Variants in TUSC3 observed in about 807,000 individuals in gnomAD.
TUSC3 encodes the protein dolichyl-diphosphooligosaccharide--protein glycosyltransferase subunit TUSC3.
TUSC3 carries 45 observed loss-of-function variants against 44.8 expected under a neutral mutation model. The ratio of observed to expected loss-of-function variants is 1.00; its 90% confidence interval spans 0.79 to 1.29. The LOEUF (loss-of-function observed/expected upper bound fraction) is 1.29, where lower values mean the gene tolerates loss of function less well. TUSC3 is among the 50% of genes most tolerant of loss of function. The pLI is 0.00. For missense variants in TUSC3, 519 were observed against 437.9 expected (o/e 1.19, Z -1.65); for synonymous variants, 212 against 152.9 (o/e 1.39, Z -2.85).
At chr8:15,672,535 C>G (rs996262954) in intron 5 of TUSC3, among the ~76,000 whole-genome samples, 1 of 151,972 alleles carries the variant, frequency 6.6e-6, no homozygotes, top group Non-Finnish European at 1.5e-5. Flanking sequence ...ATCTGCAACT[C>G]GAGTATTATA....
intron 2 of TUSC3, among the ~76,000 whole-genome samples, chr8:15,640,031 G>A (rs1000946514): frequency 1.3e-5 from 2 of 152,134 alleles, no homozygotes; most frequent in African/African-American, 4.8e-5. Context: ...GCCCTTGCTT[G>A]CCATATGGGA....
chr8:15,528,642 C>A (rs1460216458), intron 2 of TUSC3, among the ~76,000 whole-genome samples: 3 of 152,196 alleles, frequency 2.0e-5, no homozygotes, highest in African/African-American at 4.8e-5. Flanking sequence ...TTCCTGGCTT[C>A]TGTAGAACAC....
chr8:15,831,235 C>G, the TUSC3 span, among the ~76,000 whole-genome samples: 8 of 152,220 alleles, frequency 5.3e-5, no homozygotes, highest in African/African-American at 1.9e-4. Flanking sequence ...TCAGCTAAAC[C>G]CACCTTATAC....
intron 2 of TUSC3, among the ~76,000 whole-genome samples, chr8:15,623,510 T>C (rs537727561): frequency 6.6e-6 from 1 of 152,196 alleles, no homozygotes; most frequent in African/African-American, 2.4e-5. Context: ...ATCCTGCAGA[T>C]TGCCTTGTAG....
intron 8 of TUSC3, among the ~76,000 whole-genome samples, chr8:15,746,398 G>A (rs1023705446): frequency 1.3e-5 from 2 of 151,978 alleles, no homozygotes; most frequent in Non-Finnish European, 2.9e-5. Flanking sequence ...ATTCCTTTTT[G>A]ATGTGATTTT....
downstream of TUSC3, among the ~76,000 whole-genome samples, chr8:15,767,750 C>T (rs1812369262): frequency 6.6e-6 from 1 of 152,058 alleles, no homozygotes; most frequent in Non-Finnish European, 1.5e-5. Flanking sequence ...TCAGAAGTCT[C>T]TCAGGTGAAA....
intron 6 of TUSC3, among the ~76,000 whole-genome samples, chr8:15,704,648 T>A (rs1293650002): frequency 1.3e-5 from 2 of 151,968 alleles, no homozygotes; most frequent in African/African-American, 4.8e-5. Context: ...TTTTTTTTCC[T>A]TTTCTTTTTC....
the TUSC3 span, among the ~76,000 whole-genome samples, chr8:15,802,695 C>G: frequency 2.0e-5 from 3 of 151,850 alleles, no homozygotes; most frequent in African/African-American, 7.3e-5. Context: ...AAATATGCCC[C>G]TACTGGTCAT....
chr8:15,533,238 C>A (rs539177052), intron 2 of TUSC3, among the ~76,000 whole-genome samples: 1 of 152,198 alleles, frequency 6.6e-6, no homozygotes, highest in Non-Finnish European at 1.5e-5. Flanking sequence ...CATTAAACCT[C>A]TTTTTCTTCC....
chr8:15,651,134 G>A, intron 3 of TUSC3: 1 of 302,886 alleles, frequency 3.3e-6, no homozygotes, highest in South Asian at 3.5e-5. Context: ...ACAGGTTTTT[G>A]CCATTATGAT....
At position 15,651,488 on chromosome 8, in the gene TUSC3, A is replaced by G. The variant is rs1806902208; in HGVS notation, c.426+674A>G. Among the ~76,000 whole-genome samples the G allele has an allele frequency of 2.0e-5, 3 of 152,190 alleles. 1 individual carries two copies. Among genetic ancestry groups the G allele is most frequent in the South Asian group, 4.1e-4 (2 of 4,830 alleles). On this transcript the variant is annotated intron_variant, in intron 3 of 10. Transcript: ENST00000503731. Reference sequence around the variant, plus strand: ...TGAAGATAGGGCCTTGAAGGAAGTAATTAAGGTTAAATGAGGCCATAAAGG... The same window carrying G: ...TGAAGATAGGGCCTTGAAGGAAGTAGTTAAGGTTAAATGAGGCCATAAAGG...
At chr8:15,486,362 T>G (rs1800732866) in intron 2 of TUSC3, among the ~76,000 whole-genome samples, 1 of 152,220 alleles carries the variant, frequency 6.6e-6, no homozygotes, top group African/African-American at 2.4e-5. Flanking sequence ...ATCTGGACTA[T>G]GCAAAATGAC....
intron 8 of TUSC3, among the ~76,000 whole-genome samples, chr8:15,744,981 C>G (rs1030250588): frequency 6.6e-6 from 1 of 152,044 alleles, no homozygotes; most frequent in African/African-American, 2.4e-5. Flanking sequence ...TGTCTGTTCT[C>G]ATCTTTATGT....
intron 6 of TUSC3, among the ~76,000 whole-genome samples, chr8:15,715,861 G>T (rs1449332373): frequency 6.6e-6 from 1 of 152,014 alleles, no homozygotes; most frequent in Non-Finnish European, 1.5e-5. Context: ...ATATTTCCAT[G>T]AAAACGTATC....
intron 6 of TUSC3, among the ~76,000 whole-genome samples, chr8:15,702,823 G>C (rs1038083403): frequency 6.6e-6 from 1 of 152,052 alleles, no homozygotes; most frequent in Non-Finnish European, 1.5e-5. Context: ...CTTCTCTTTA[G>C]CTTTTCTAAT....
At chr8:15,786,191 A>T in the TUSC3 span, among the ~76,000 whole-genome samples, 1 of 152,340 alleles carries the variant, frequency 6.6e-6, no homozygotes, top group Admixed American at 6.5e-5. Flanking sequence ...ACACCTCTAA[A>T]GAGACCACTG....
chr8:15,786,106 C>G, the TUSC3 span, among the ~76,000 whole-genome samples: 3 of 151,948 alleles, frequency 2.0e-5, no homozygotes, highest in African/African-American at 4.8e-5. Context: ...AATTTTAAAC[C>G]TTTTAAATGT....
At chr8:15,444,321 T>A (rs1401982097) in intron 1 of TUSC3, among the ~76,000 whole-genome samples, 1 of 152,192 alleles carries the variant, frequency 6.6e-6, no homozygotes, top group Non-Finnish European at 1.5e-5. Context: ...TAGGGACTAC[T>A]GCAATGAGCT....
chr8:15,493,457 CT>C (rs1212615286), intron 2 of TUSC3, among the ~76,000 whole-genome samples: 1 of 152,058 alleles, frequency 6.6e-6, no homozygotes, highest in East Asian at 1.9e-4. Flanking sequence ...TAGACAAGAT[CT>C]TGCTATGTTG....
Sources: allele counts gnomAD v4.1 joint callset (sites outside exome capture counted in the v4.1 genomes callset), GRCh38; gene constraint gnomAD v4.1.1; transcripts MANE v1.5; gene names NCBI Gene and HGNC (gene_info 2026-07-23, HGNC 2026-07-21).